Variants in TBCA observed in about 807,000 individuals in gnomAD.
TBCA encodes tubulin folding cofactor A.
TBCA carries 6 observed loss-of-function variants against 15.8 expected under a neutral mutation model. That is an observed-to-expected ratio of 0.38 (90% confidence interval 0.21 to 0.75). TBCA has a LOEUF of 0.75. Ranked by LOEUF, TBCA falls within the 30% of genes least tolerant of loss-of-function variation. The pLI is 0.46. For synonymous variants in TBCA, 32 were observed against 42.3 expected (o/e 0.76, Z 0.94); for missense variants, 90 against 131.2 (o/e 0.69, Z 1.53).
At chr5:77,712,691 A>C (rs1170343160) in intron 1 of TBCA, among the ~76,000 whole-genome samples, 1 of 152,208 alleles carries the variant, frequency 6.6e-6, no homozygotes, top group Non-Finnish European at 1.5e-5. Flanking sequence ...AAACAAACTC[A>C]TTTAGCAGCA....
chr5:77,710,494 A>C (rs954517916), intron 1 of TBCA, among the ~76,000 whole-genome samples: 1 of 152,242 alleles, frequency 6.6e-6, no homozygotes, highest in Non-Finnish European at 1.5e-5. Flanking sequence ...AATGAAACCT[A>C]AAGATGATTT....
intron 1 of TBCA, 93 bp downstream of exon 1, chr5:77,776,112 C>T (rs2112527346): frequency 2.7e-6 from 4 of 1,488,798 alleles, no homozygotes; most frequent in Non-Finnish European, 3.6e-6. Flanking sequence ...CGGAGCCCGC[C>T]TCGGGCCTCC....
At chr5:77,732,561 A>ACC (rs1746799274) in intron 1 of TBCA, among the ~76,000 whole-genome samples, 1 of 150,360 alleles carries the variant, frequency 6.7e-6, no homozygotes, top group Admixed American at 6.6e-5. Context: ...AAAAAAAAAA[A>ACC]AAAAAAAAAA....
chr5:77,705,759 T>C (rs977152866), intron 2 of TBCA: 6 of 391,730 alleles, frequency 1.5e-5, no homozygotes, highest in African/African-American at 6.2e-5. Context: ...ACCCAGGAGT[T>C]TGAGGCAGTA....
At chr5:77,769,623 A>G (rs1747860984) in intron 1 of TBCA, among the ~76,000 whole-genome samples, 1 of 152,120 alleles carries the variant, frequency 6.6e-6, no homozygotes, top group Admixed American at 6.5e-5. Context: ...GTAGATATAA[A>G]CAAACTTCGG....
intron 1 of TBCA, among the ~76,000 whole-genome samples, chr5:77,759,885 T>C (rs1747566359): frequency 6.6e-6 from 1 of 152,204 alleles, no homozygotes; most frequent in Non-Finnish European, 1.5e-5. Context: ...CCAACTTAGA[T>C]GCCAAGAAGG....
At chr5:77,775,225 CA>C (rs1386328579) in intron 1 of TBCA, among the ~76,000 whole-genome samples, 3 of 152,184 alleles carry the variant, frequency 2.0e-5, no homozygotes, top group Non-Finnish European at 4.4e-5. Context: ...ATCGCAGATT[CA>C]TTTAGCCGAC....
intron 2 of TBCA, among the ~76,000 whole-genome samples, chr5:77,697,531 CA>C (rs776736488): frequency 2.0e-5 from 3 of 149,838 alleles, no homozygotes; most frequent in South Asian, 2.1e-4. Flanking sequence ...GCCCATGGGC[CA>C]AAAAAAAGTC....
intron 1 of TBCA, among the ~76,000 whole-genome samples, chr5:77,712,021 TA>T (rs1427899280): frequency 4.6e-5 from 7 of 151,280 alleles, no homozygotes; most frequent in South Asian, 4.2e-4. Flanking sequence ...TGCAAGCATG[TA>T]AAATTATAGT....
chr5:77,715,354 T>C lies in TBCA; in HGVS notation c.54-7007A>G, dbSNP rs1156285628. 6 of 688,184 alleles carry C rather than the reference T, an allele frequency of 8.7e-6. No individual in the cohort carries two copies. In the Admixed American group the frequency reaches 1.3e-4, roughly 15 times the overall value. 42.6% of individuals were successfully genotyped at this position (688,184 alleles called of 1,614,324 possible). On this transcript the variant is annotated intron_variant, in intron 1 of 3. Coordinates refer to ENST00000380377, the MANE Select transcript of TBCA (RefSeq NM_004607.3). ...ATACATCCCAAGGTTAACACTGTGC[T>C]ATAGGCCTGAAAAACAATCAGTCTA...
intron 1 of TBCA, among the ~76,000 whole-genome samples, chr5:77,745,558 A>T (rs1466848452): frequency 6.6e-6 from 1 of 152,226 alleles, no homozygotes; most frequent in African/African-American, 2.4e-5. Flanking sequence ...AGGAATGTTA[A>T]GCTAGGGTGT....
intron 1 of TBCA, among the ~76,000 whole-genome samples, chr5:77,736,922 T>TAG (rs1263904107): frequency 5.9e-5 from 9 of 152,210 alleles, no homozygotes; most frequent in African/African-American, 2.2e-4. Flanking sequence ...TGATGGGTAT[T>TAG]AGAGATTTAA....
At chr5:77,755,565 C>T (rs910558946) in intron 1 of TBCA, among the ~76,000 whole-genome samples, 12 of 151,550 alleles carry the variant, frequency 7.9e-5, no homozygotes, top group African/African-American at 2.9e-4. Context: ...CAGAGCGAGA[C>T]TCCATCTCAA....
rs552663068 is a variant in TBCA, at chr5:77,756,764, G to A, written c.53+19441C>T. Among the ~76,000 whole-genome samples, 8 of 152,198 alleles carry A rather than the reference G, an allele frequency of 5.3e-5. No homozygotes were observed. The South Asian group carries it at 6.2e-4, about 12-fold the overall frequency. ...GTACAGGGTAGTCTCTGGAACCCCC[G>A]AAAGCCAAAGAGATCAGGTAATGCA... On this transcript the variant is annotated intron_variant, in intron 1 of 3. Transcript: ENST00000380377.
At chr5:77,737,275 A>G (rs1204091940) in intron 1 of TBCA, among the ~76,000 whole-genome samples, 1 of 152,210 alleles carries the variant, frequency 6.6e-6, no homozygotes, top group East Asian at 1.9e-4. Context: ...TAAAAAAACA[A>G]AACAAAAAAA....
chr5:77,697,602 CA>C (rs1473568084), intron 2 of TBCA, among the ~76,000 whole-genome samples: 1 of 151,958 alleles, frequency 6.6e-6, no homozygotes, highest in Non-Finnish European at 1.5e-5. Context: ...TTGTGGGATG[CA>C]GCTAAAGCAG....
chr5:77,744,133 C>T (rs1007428489), intron 1 of TBCA, among the ~76,000 whole-genome samples: 2 of 152,122 alleles, frequency 1.3e-5, no homozygotes, highest in African/African-American at 4.8e-5. Context: ...CACCTCCATG[C>T]CCTCATACCT....
At chr5:77,742,762 C>T (rs1327880317) in intron 1 of TBCA, among the ~76,000 whole-genome samples, 13 of 152,160 alleles carry the variant, frequency 8.5e-5, no homozygotes, top group Non-Finnish European at 1.6e-4. Flanking sequence ...ATCCAACACT[C>T]GATCTCAATG....
At chr5:77,704,733 G>C (rs181865994) in intron 2 of TBCA, among the ~76,000 whole-genome samples, 1 of 152,266 alleles carries the variant, frequency 6.6e-6, no homozygotes, top group East Asian at 1.9e-4. Context: ...ATTAAGAAAT[G>C]TATGTAGGTT....
Sources: gnomAD v4.1 joint callset for allele counts (sites outside exome capture counted in the v4.1 genomes callset) on GRCh38, gnomAD v4.1.1 for gene constraint, MANE v1.5 for transcripts, NCBI Gene and HGNC (gene_info 2026-07-23, HGNC 2026-07-21) for gene names.